ZFC3H1: variants seen among roughly 807,000 people sequenced by gnomAD.
ZFC3H1 encodes zinc finger C3H1-type containing.
In ZFC3H1, 71 loss-of-function variants were observed where a neutral mutation model predicts 243.7. That is an observed-to-expected ratio of 0.29 (90% CI 0.24 to 0.36). The LOEUF (loss-of-function observed/expected upper bound fraction) is 0.36, where lower values mean the gene tolerates loss of function less well. ZFC3H1 is among the 10% of genes least tolerant of loss of function. The pLI is 1.00. For synonymous variants in ZFC3H1, 838 were observed against 813.0 expected, an observed-to-expected ratio of 1.03 and a Z score of -0.52; for missense variants, 1,966 against 2,317.1, an observed-to-expected ratio of 0.85 and a Z score of 3.11.
chr12:71,642,240 C>T lies in ZFC3H1; in HGVS notation c.1627+196G>A, dbSNP rs187422232. On this transcript the variant is annotated intron_variant, in intron 6 of 34. Transcript: ENST00000378743. ...AATTTAAAGGCTATCTAGAAACACT[C>T]GGAAATAAAGGTTAATATTACTTAT... Among the ~76,000 whole-genome samples the T allele has an allele frequency of 5.3e-5, 8 of 152,230 alleles. No homozygotes were observed. The East Asian group carries it at 1.2e-3, about 22-fold the overall frequency.
At chr12:71,660,431 T>C (rs1056022486) in intron 1 of ZFC3H1, 2 of 151,176 alleles carry the variant, frequency 1.3e-5, no homozygotes, top group African/African-American at 4.9e-5. Context: ...GCAGCATCTG[T>C]GAAAAGAAAA....
chr12:71,611,933 C>A, intron 31 of ZFC3H1, 46 bp from the exon 32 acceptor site: 1 of 1,264,836 alleles, frequency 7.9e-7, no homozygotes, highest in Non-Finnish European at 1.1e-6. Context: ...GCAAGTGTAA[C>A]GAACCCCAAA....
chr12:71,627,087 T>C (rs1880188249), intron 21 of ZFC3H1, among the ~76,000 whole-genome samples: 1 of 151,514 alleles, frequency 6.6e-6, no homozygotes, highest in Non-Finnish European at 1.5e-5. Context: ...CTGCCTTATT[T>C]AAAAGCTTTA....
chr12:71,632,918 C>T lies in ZFC3H1; in HGVS notation c.2785G>A (p.Gly929Arg). 1 of 1,612,998 alleles carries T rather than the reference C, an allele frequency of 6.2e-7. No homozygotes were observed. ...RAKAVASKEIGKRKLEQDRFG... is the reference protein window; with the variant it reads ...RAKAVASKEIRKRKLEQDRFG... ...CGATCTTGTTCCAGTTTACGTTTTC[C>T]TATTTCTTTACTGGCCACTGCCTTT... The change falls in exon 14 of 35, where the codon GGA (glycine) becomes AGA (arginine). Residue 929 changes from glycine to arginine, a missense_variant. Gly to Arg is a moderately radical substitution (Grantham distance 125, BLOSUM62 -2). This residue lies in a region of ZFC3H1 where 1,383 missense variants were observed against 1,723.7 expected (regional missense o/e 0.80). Coordinates refer to ENST00000378743, the MANE Select transcript of ZFC3H1 (RefSeq NM_144982.5).
intron 5 of ZFC3H1, among the ~76,000 whole-genome samples, chr12:71,643,555 C>G (rs932120234): frequency 3.3e-5 from 5 of 151,590 alleles, no homozygotes; most frequent in African/African-American, 1.2e-4. Context: ...GGGCTTTTTT[C>G]TTCTTTTTGG....
At chr12:71,658,058 G>A (rs183244602) in intron 1 of ZFC3H1, among the ~76,000 whole-genome samples, 1 of 151,816 alleles carries the variant, frequency 6.6e-6, no homozygotes, top group Admixed American at 6.6e-5. Context: ...TACAGACAAG[G>A]GAAAATGTTA....
chr12:71,634,641 C>G, intron 11 of ZFC3H1, 63 bp downstream of exon 11: 1 of 1,513,308 alleles, frequency 6.6e-7, no homozygotes, highest in Non-Finnish European at 8.9e-7. Flanking sequence ...CCAAGAAACT[C>G]TATAAGAGAA....
At chr12:71,655,750 A>G (rs1270484259) in intron 2 of ZFC3H1, among the ~76,000 whole-genome samples, 8 of 152,186 alleles carry the variant, frequency 5.3e-5, no homozygotes. Context: ...TATTACAGAG[A>G]ATAAAGATGA....
At chr12:71,631,021 TTA>T (rs1880309252) in intron 16 of ZFC3H1, 67 bp from the exon 17 acceptor site, 1 of 1,426,986 alleles carries the variant, frequency 7.0e-7, no homozygotes, top group African/African-American at 1.4e-5. Flanking sequence ...TAAGAAAACT[TTA>T]GTTTTTCTTT....
chr12:71,636,782 G>A, intron 8 of ZFC3H1, 68 bp downstream of exon 8: 3 of 1,575,650 alleles, frequency 1.9e-6, no homozygotes, highest in South Asian at 2.3e-5. Flanking sequence ...CAAGTAACCA[G>A]AAAAAAGTAG....
Position 71,663,807 on chromosome 12 carries a change from CCCTTT to C in ZFC3H1, c.-202_-198del, listed in dbSNP as rs566357405. On this transcript the variant is annotated 5_prime_UTR_variant, in exon 1 of 35. Transcript: ENST00000378743. The stretch of plus-strand genomic sequence containing the variant: ...CTCGCCGGACCGTCGCAACCCAGTT[CCCTTT>C]CCTAGCGCCCCCTTGCTCCTCAGCG... 7.4e-4 allele frequency: 465 copies of C among 626,460 alleles called. No individual in the cohort carries two copies. The highest frequency in any genetic ancestry group is 1.2e-3 in the Non-Finnish European group (437 of 365,346). 38.8% of individuals were successfully genotyped at this position (626,460 alleles called of 1,614,324 possible).
Position 71,663,410 on chromosome 12 carries a change from G to C in ZFC3H1, c.201C>G (p.Gly67=), listed in dbSNP as rs765358099. 1 of 1,611,728 alleles carries C rather than the reference G, an allele frequency of 6.2e-7. No individual in the cohort carries two copies. Among genetic ancestry groups the C allele is most frequent in the South Asian group, 1.1e-5 (1 of 91,088 alleles). ...PPHSARGGGS[G]GGGGSSSSSS... ...ATGACGAGGAAGAGCCACCGCCTCC[G>C]CCAGATCCACCGCCCCGGGCCGAGT... is the stretch of plus-strand genomic sequence containing the variant. Residue 67 remains glycine, a synonymous_variant, in exon 1 of 35, where the codon GGC becomes GGG. Coordinates refer to ENST00000378743, the MANE Select transcript of ZFC3H1 (RefSeq NM_144982.5).
At chr12:71,659,131 C>G (rs1040096295) in intron 1 of ZFC3H1, among the ~76,000 whole-genome samples, 1 of 152,164 alleles carries the variant, frequency 6.6e-6, no homozygotes, top group African/African-American at 2.4e-5. Flanking sequence ...TACTTAGCCT[C>G]TTTCTCATTT....
At chr12:71,654,010 C>T (rs1343502244) in intron 2 of ZFC3H1, among the ~76,000 whole-genome samples, 1 of 152,078 alleles carries the variant, frequency 6.6e-6, no homozygotes, top group Non-Finnish European at 1.5e-5. Flanking sequence ...AAGACTTTGT[C>T]TCAAAAACAA....
At chr12:71,655,804 A>C (rs1881001601) in intron 2 of ZFC3H1, among the ~76,000 whole-genome samples, 1 of 152,060 alleles carries the variant, frequency 6.6e-6, no homozygotes. Context: ...TACACTAAAA[A>C]CTGTCAAGGA....
Position 71,644,286 on chromosome 12 carries a change from C to T in ZFC3H1, c.1312G>A (p.Ala438Thr). The T allele has an allele frequency of 6.2e-7, 1 of 1,613,218 alleles. No homozygotes were observed. The highest frequency in any genetic ancestry group is 1.7e-4 in the Middle Eastern group (1 of 6,060). ...TTTTGTTGTTGTAGTTTCTTCCATG[C>T]CTTTGTTTGCTGCTTCCTCAATGCT... ...KQALRKQQTK[A>T]WKKLQQQKEQ... is the part of the protein sequence containing the mutation. Residue 438 changes from alanine (A) to threonine (T), a missense_variant, in exon 5 of 35, where the codon GCA (alanine) becomes ACA (threonine). Transcript: ENST00000378743.
intron 11 of ZFC3H1, 116 bp downstream of exon 11, chr12:71,634,588 A>G (rs768234181): frequency 8.1e-7 from 1 of 1,232,146 alleles, no homozygotes; most frequent in Non-Finnish European, 1.1e-6. Flanking sequence ...TAAAACATTA[A>G]CTCTGTATCT....
chr12:71,631,278 C>G (rs963786555), intron 16 of ZFC3H1, among the ~76,000 whole-genome samples: 1 of 151,888 alleles, frequency 6.6e-6, no homozygotes, highest in African/African-American at 2.4e-5. Context: ...ACAAGAAAAT[C>G]TGGAAAAAGT....
At position 71,632,011 on chromosome 12, in the gene ZFC3H1, T is replaced by G; in HGVS notation, c.3321A>C (p.Lys1107Asn). Residue 1107 changes from lysine (K) to asparagine (N), a missense_variant, in exon 15 of 35, where the codon AAA (lysine) becomes AAC (asparagine). Coordinates refer to ENST00000378743, the MANE Select transcript of ZFC3H1 (RefSeq NM_144982.5). ...CCTTCTCTGTAATGCCTGTGGTGGT[T>G]TTTAAAATCAGCTGTTTTAGGCTGT... ...KADSLKQLIL[K>N]TTTGITEKVL... is the part of the protein sequence containing the mutation. 6.2e-7 allele frequency: 1 copy of G among 1,600,924 alleles called. No individual in the cohort carries two copies. Among genetic ancestry groups the G allele is most frequent in the Non-Finnish European group, 8.5e-7 (1 of 1,175,664 alleles).
Sources: allele counts gnomAD v4.1 joint callset (sites outside exome capture counted in the v4.1 genomes callset), GRCh38; gene constraint gnomAD v4.1.1; regional missense constraint gnomAD v4.1.1; transcripts MANE v1.5; gene names NCBI Gene and HGNC (gene_info 2026-07-23, HGNC 2026-07-21).